The following SMAD3 variants were observed in gnomAD, a reference collection of about 807,000 sequenced individuals.
SMAD3 encodes SMAD family member 3.
SMAD3 carries 12 observed loss-of-function variants against 51.8 expected under a neutral mutation model. That is an observed-to-expected ratio of 0.23 (90% CI 0.15 to 0.38). The LOEUF (loss-of-function observed/expected upper bound fraction) is 0.38. Ranked by LOEUF, SMAD3 falls within the 10% of genes least tolerant of loss-of-function variation. The pLI, the probability that SMAD3 is intolerant of heterozygous loss-of-function variation, is 1.00. For synonymous variants in SMAD3, 238 were observed against 227.7 expected, an observed-to-expected ratio of 1.05 and a Z score of -0.41; for missense variants, 294 against 565.6, an observed-to-expected ratio of 0.52 and a Z score of 4.87.
intron 1 of SMAD3, among the ~76,000 whole-genome samples, chr15:67,122,924 GC>G (rs1213732001): frequency 6.6e-6 from 1 of 152,176 alleles, no homozygotes; most frequent in African/African-American, 2.4e-5. Flanking sequence ...GGTGGCTCAT[GC>G]CTGTAATCCC....
chr15:67,190,862 GC>G lies in SMAD3; in HGVS notation c.*327del. Reference sequence around the variant, plus strand: ...CCCCAGACTCTTTTTTTGAGTGACAGCTTTCTGGGATGTCACAGTCCAACCA... The same window carrying G: ...CCCCAGACTCTTTTTTTGAGTGACAGTTTCTGGGATGTCACAGTCCAACCA... On this transcript the variant is annotated 3_prime_UTR_variant, in exon 9 of 9. Transcript: ENST00000327367. 2.3e-6 allele frequency: 1 copy of G among 427,384 alleles called. No homozygotes were observed. The highest frequency in any genetic ancestry group is 3.9e-5 in the East Asian group (1 of 25,826). The allele number at this position is 427,384 out of a possible 1,614,324, so 26.5% of individuals were successfully genotyped here. A position where few individuals can be genotyped will look rare whatever the true frequency, so the allele number is the denominator to read the frequency against.
chr15:67,123,692 G>A (rs1310773684), intron 1 of SMAD3, among the ~76,000 whole-genome samples: 3 of 152,130 alleles, frequency 2.0e-5, no homozygotes, highest in South Asian at 2.1e-4. Context: ...ATTGGGAGAC[G>A]GACAAACTTA....
intron 1 of SMAD3, chr15:67,146,159 G>A (rs1961969257): frequency 6.6e-6 from 1 of 152,206 alleles, no homozygotes; most frequent in African/African-American, 2.4e-5. Flanking sequence ...GCAAAACTGA[G>A]GACACATTTA....
At chr15:67,089,346 G>A (rs895219942) in intron 1 of SMAD3, among the ~76,000 whole-genome samples, 1 of 152,126 alleles carries the variant, frequency 6.6e-6, no homozygotes, top group African/African-American at 2.4e-5. Context: ...GCCAGTCTTC[G>A]TCCTCAGCCT....
At chr15:67,181,839 G>T (rs1387553903) in intron 6 of SMAD3, among the ~76,000 whole-genome samples, 2 of 150,142 alleles carry the variant, frequency 1.3e-5, no homozygotes, top group Non-Finnish European at 2.9e-5. Flanking sequence ...AGGCTGGAGT[G>T]CAATGGCACA....
intron 1 of SMAD3, among the ~76,000 whole-genome samples, chr15:67,110,396 G>A (rs1181802022): frequency 2.0e-5 from 3 of 152,172 alleles, no homozygotes; most frequent in Non-Finnish European, 4.4e-5. Context: ...CAGAAGATTT[G>A]GATTTAGAGG....
In SMAD3 at chr15:67,191,925, A is replaced by G. The variant is rs1963377172; in HGVS notation, c.*1389A>G. 2 of 227,892 alleles carry G rather than the reference A, an allele frequency of 8.8e-6. No individual in the cohort carries two copies. The highest frequency in any genetic ancestry group is 1.7e-5 in the Non-Finnish European group (2 of 114,510). The allele number at this position is 227,892 out of a possible 1,614,324, so 14.1% of individuals were successfully genotyped here. On this transcript the variant is annotated 3_prime_UTR_variant, in exon 9 of 9. Transcript: ENST00000327367. ...GCAATTAGGGAGAAAACTAGTCTAA[A>G]TTATTTCAACTGGAAAAAAGAAAAA... is the stretch of plus-strand genomic sequence containing the variant.
At chr15:67,070,855 C>T (rs1484923023) in intron 1 of SMAD3, among the ~76,000 whole-genome samples, 1 of 151,956 alleles carries the variant, frequency 6.6e-6, no homozygotes, top group Middle Eastern at 3.2e-3. Flanking sequence ...AGTTTCACAG[C>T]TTTTATATCT....
At position 67,133,755 on chromosome 15, in the gene SMAD3, G is replaced by C. The variant is rs907475754; in HGVS notation, c.207-31140G>C. ...GCCGACTCAAATATTCCCCAGAAGA[G>C]AGCACTTTTTCAACAGTCTGAAAAG... On this transcript the variant is annotated intron_variant, in intron 1 of 8. Coordinates refer to ENST00000327367, the MANE Select transcript of SMAD3 (RefSeq NM_005902.4). Among the ~76,000 whole-genome samples, 19 of 152,142 alleles carry C rather than the reference G, an allele frequency of 1.2e-4. 1 individual carries two copies. Among genetic ancestry groups the C allele is most frequent in the African/African-American group, 4.6e-4 (19 of 41,436 alleles).
At chr15:67,100,658 C>A (rs1171298747) in intron 1 of SMAD3, among the ~76,000 whole-genome samples, 1 of 151,846 alleles carries the variant, frequency 6.6e-6, no homozygotes, top group South Asian at 2.1e-4. Context: ...ATATTAAAAT[C>A]AAATGTATTC....
chr15:67,068,017 GA>G (rs1284427352), intron 1 of SMAD3, among the ~76,000 whole-genome samples: 1 of 152,046 alleles, frequency 6.6e-6, no homozygotes, highest in African/African-American at 2.4e-5. Flanking sequence ...TGAAACAGAA[GA>G]AAAAAAGTGG....
Position 67,065,933 on chromosome 15 carries a change from C to T in SMAD3, c.-222C>T, listed in dbSNP as rs1383822443. On this transcript the variant is annotated 5_prime_UTR_variant, in exon 1 of 9. Coordinates refer to ENST00000327367, the MANE Select transcript of SMAD3 (RefSeq NM_005902.4). ...GCCGTCCGCCCGCCCGGCCGCTCTT[C>T]TCTTCGCCGTGGGAGCCGCTCCGGG... 9.4e-6 allele frequency: 2 copies of T among 212,864 alleles called. No individual in the cohort carries two copies. Among genetic ancestry groups the T allele is most frequent in the Non-Finnish European group, 1.9e-5 (2 of 106,330 alleles). The allele number at this position is 212,864 out of a possible 1,614,324, so 13.2% of individuals were successfully genotyped here. A position where few individuals can be genotyped will look rare whatever the true frequency, so the allele number is the denominator to read the frequency against.
chr15:67,069,955 T>A (rs962540232), intron 1 of SMAD3, among the ~76,000 whole-genome samples: 1 of 152,170 alleles, frequency 6.6e-6, no homozygotes, highest in Non-Finnish European at 1.5e-5. Context: ...CTGCCCGCCT[T>A]GGCCTGCCAA....
chr15:67,162,461 G>A (rs1007369465), intron 1 of SMAD3, among the ~76,000 whole-genome samples: 3 of 152,108 alleles, frequency 2.0e-5, no homozygotes, highest in South Asian at 2.1e-4. Flanking sequence ...CCTGCTACCC[G>A]CAATCTGTTG....
chr15:67,092,679 C>T (rs1464628522), intron 1 of SMAD3, among the ~76,000 whole-genome samples: 5 of 152,138 alleles, frequency 3.3e-5, no homozygotes, highest in South Asian at 2.1e-4. Context: ...GGGAGTTTGT[C>T]CAGGGGAATG....
At chr15:67,086,400 G>T (rs1432964444) in intron 1 of SMAD3, among the ~76,000 whole-genome samples, 1 of 152,148 alleles carries the variant, frequency 6.6e-6, no homozygotes, top group Non-Finnish European at 1.5e-5. Flanking sequence ...AATCTGATGG[G>T]ACACATCTCT....
In SMAD3 at chr15:67,181,332, C is replaced by T. The variant is rs771854466; in HGVS notation, c.750C>T (p.Ala250=). The T allele has an allele frequency of 1.2e-6, 2 of 1,614,160 alleles. No homozygotes were observed. Among genetic ancestry groups the T allele is most frequent in the East Asian group, 2.2e-5 (1 of 44,882 alleles). Residue 250 remains alanine (A), a synonymous_variant, in exon 6 of 9, where the codon GCC becomes GCT. Coordinates refer to ENST00000327367, the MANE Select transcript of SMAD3 (RefSeq NM_005902.4). ...AGCGCGTCGGGGAGACATTCCACGC[C>T]TCGCAGCCATCCATGACTGTGGATG... The part of the protein sequence containing the change: ...LNQRVGETFH[A]SQPSMTVDGF...
chr15:67,134,230 A>C lies in SMAD3; in HGVS notation c.207-30665A>C, dbSNP rs185735584. On this transcript the variant is annotated intron_variant, in intron 1 of 8. Coordinates refer to ENST00000327367, the MANE Select transcript of SMAD3 (RefSeq NM_005902.4). ...CACCAAGCCAGTCACCCACCACTGC[A>C]CATTGAGAATCTGCTGCTCTGTGAA... Among the ~76,000 whole-genome samples the C allele has an allele frequency of 2.6e-5, 4 of 152,236 alleles. No homozygotes were observed. The East Asian group carries it at 7.7e-4, about 29-fold the overall frequency.
In SMAD3 at chr15:67,182,997, A is replaced by AT. The variant is rs1567000571; in HGVS notation, c.871+1544_871+1545insT. On this transcript the variant is annotated intron_variant, in intron 6 of 8. Transcript: ENST00000327367. ...TTTCTATATTTTATTAAAAAAAAAA[A>AT]AAAATATATATATATATATATATAT... 2.9e-3 allele frequency among the ~76,000 whole-genome samples: 167 copies of AT among 57,094 alleles called. 1 individual carries two copies. Among genetic ancestry groups the AT allele is most frequent in the African/African-American group, 3.9e-3 (49 of 12,556 alleles). 37.5% of individuals were successfully genotyped at this position (57,094 alleles called of 152,430 possible).
Sources: allele counts gnomAD v4.1 joint callset (sites outside exome capture counted in the v4.1 genomes callset), GRCh38; gene constraint gnomAD v4.1.1; transcripts MANE v1.5; gene names NCBI Gene and HGNC (gene_info 2026-07-23, HGNC 2026-07-21).